PLD5: variants seen among roughly 807,000 people sequenced by gnomAD.
The protein encoded by PLD5 is inactive phospholipase D5.
Under a neutral mutation model 61.1 loss-of-function variants are expected in PLD5, and 36 were observed. The ratio of observed to expected loss-of-function variants is 0.59; its 90% confidence interval spans 0.45 to 0.78. PLD5 has a LOEUF of 0.78. Among genes scored for constraint, PLD5 ranks in the 30% least tolerant of loss-of-function variants. The pLI is 0.00. For missense variants in PLD5, 515 were observed against 644.4 expected, an observed-to-expected ratio of 0.80 and a Z score of 2.17; for synonymous variants, 243 against 242.8, an observed-to-expected ratio of 1.00 and a Z score of -0.01.
chr1:242,182,678 A>C (rs751233856), intron 5 of PLD5, among the ~76,000 whole-genome samples: 7 of 152,128 alleles, frequency 4.6e-5, no homozygotes, highest in Non-Finnish European at 8.8e-5. Context: ...AACCATCTCT[A>C]CTAAAAATAC....
Position 242,424,223 on chromosome 1 carries a change from T to C in PLD5, c.190-75981A>G, listed in dbSNP as rs1264118403. 2.0e-5 allele frequency among the ~76,000 whole-genome samples: 3 copies of C among 152,136 alleles called. No individual in the cohort carries two copies. In the East Asian group the frequency reaches 5.8e-4, roughly 29 times the overall value. On this transcript the variant is annotated intron_variant, in intron 1 of 9. Transcript: ENST00000536534. ...CAATCTGGCTCCTGCCCCACCCCAC[T>C]ATGCTCTACTGATAATGTTACTATG...
upstream of PLD5, among the ~76,000 whole-genome samples, chr1:242,527,411 C>T (rs1425364021): frequency 3.9e-5 from 6 of 152,150 alleles, no homozygotes; most frequent in Non-Finnish European, 7.3e-5. Flanking sequence ...ATTGGGATTA[C>T]AGGCGTGAGC....
chr1:242,370,466 A>T lies in PLD5; in HGVS notation c.190-22224T>A, dbSNP rs1661571852. 1.3e-5 allele frequency among the ~76,000 whole-genome samples: 2 copies of T among 151,974 alleles called. 1 individual carries two copies. The highest frequency in any genetic ancestry group is 4.2e-4 in the South Asian group (2 of 4,810). ...AGAGAGAGAGATGCAGACAGAATAG[A>T]TGTGCCATTCTAATAGTACAGAGGG... On this transcript the variant is annotated intron_variant, in intron 1 of 9. Transcript: ENST00000536534.
intron 4 of PLD5, among the ~76,000 whole-genome samples, chr1:242,225,030 T>C (rs77296969): frequency 0.016 from 2,453 of 152,302 alleles, 78 homozygotes; most frequent in East Asian, 0.056. Flanking sequence ...GCCTATAGTT[T>C]TCCTTTTGTA....
At chr1:242,441,151 C>T (rs1388723394) in intron 1 of PLD5, among the ~76,000 whole-genome samples, 3 of 152,074 alleles carry the variant, frequency 2.0e-5, no homozygotes, top group African/African-American at 7.2e-5. Flanking sequence ...ATGTAATGTG[C>T]CATGCATGGT....
At chr1:242,177,089 G>T (rs1477554941) in intron 5 of PLD5, among the ~76,000 whole-genome samples, 1 of 152,106 alleles carries the variant, frequency 6.6e-6, no homozygotes, top group African/African-American at 2.4e-5. Flanking sequence ...ATACCCAAAG[G>T]ATTATAAATC....
chr1:242,224,594 C>A (rs962628341), intron 4 of PLD5, among the ~76,000 whole-genome samples: 1 of 152,132 alleles, frequency 6.6e-6, no homozygotes, highest in African/African-American at 2.4e-5. Flanking sequence ...TATCCACATG[C>A]AAAAGAATGC....
intron 1 of PLD5, among the ~76,000 whole-genome samples, chr1:242,455,727 C>T (rs1473575): frequency 0.35 from 52,734 of 152,104 alleles, 9,573 homozygotes; most frequent in Admixed American, 0.44. Flanking sequence ...AATACAGGAG[C>T]TCACTTTATA....
At chr1:242,184,409 G>A (rs1667741170) in intron 5 of PLD5, among the ~76,000 whole-genome samples, 1 of 152,058 alleles carries the variant, frequency 6.6e-6, no homozygotes, top group Non-Finnish European at 1.5e-5. Context: ...TTTTGAGATG[G>A]AGTCTTGCTC....
intron 5 of PLD5, among the ~76,000 whole-genome samples, chr1:242,205,074 G>A (rs1045086935): frequency 3.9e-5 from 6 of 152,080 alleles, no homozygotes; most frequent in Admixed American, 1.3e-4. Context: ...AGCTGTGACC[G>A]GGATAGAGAT....
At chr1:242,261,753 C>T (rs561209774) in intron 4 of PLD5, among the ~76,000 whole-genome samples, 5 of 152,192 alleles carry the variant, frequency 3.3e-5, no homozygotes, top group Admixed American at 3.3e-4. Context: ...ATATAATTTG[C>T]CATCAGAGAA....
At chr1:242,385,075 C>T (rs1276937020) in intron 1 of PLD5, among the ~76,000 whole-genome samples, 2 of 152,184 alleles carry the variant, frequency 1.3e-5, no homozygotes, top group African/African-American at 2.4e-5. Flanking sequence ...AGTTTAAAAT[C>T]ACCAACCAAA....
At chr1:242,401,446 C>T (rs1663928415) in intron 1 of PLD5, among the ~76,000 whole-genome samples, 1 of 152,138 alleles carries the variant, frequency 6.6e-6, no homozygotes, top group Non-Finnish European at 1.5e-5. Context: ...GACTTCCCAT[C>T]ATACTTGGGA....
intron 4 of PLD5, among the ~76,000 whole-genome samples, chr1:242,255,177 G>A (rs1189262611): frequency 2.0e-5 from 3 of 151,978 alleles, no homozygotes; most frequent in South Asian, 2.1e-4. Context: ...CATGAGGACT[G>A]TCCTTCACTT....
chr1:242,229,590 G>A (rs543871863), intron 4 of PLD5, among the ~76,000 whole-genome samples: 13 of 152,108 alleles, frequency 8.5e-5, no homozygotes, highest in Non-Finnish European at 1.8e-4. Context: ...TTTATTTGTT[G>A]ATCTTCTCTA....
intron 2 of PLD5, among the ~76,000 whole-genome samples, chr1:242,326,045 A>G (rs1658756704): frequency 6.6e-6 from 1 of 152,062 alleles, no homozygotes; most frequent in African/African-American, 2.4e-5. Flanking sequence ...GTGTCACCAC[A>G]TCTGGCTAAT....
intron 1 of PLD5, among the ~76,000 whole-genome samples, chr1:242,419,104 G>GA (rs1310909007): frequency 2.0e-5 from 3 of 151,110 alleles, no homozygotes; most frequent in South Asian, 2.1e-4. Flanking sequence ...ACACAGGCAG[G>GA]AAAAAAAAAT....
intron 3 of PLD5, among the ~76,000 whole-genome samples, chr1:242,276,981 A>G (rs1674446974): frequency 6.6e-6 from 1 of 152,146 alleles, no homozygotes; most frequent in Admixed American, 6.5e-5. Context: ...CATCATGCCA[A>G]TCACGGGCCA....
chr1:242,521,924 T>C (rs1051718336), intron 1 of PLD5, among the ~76,000 whole-genome samples: 32 of 152,306 alleles, frequency 2.1e-4, no homozygotes, highest in African/African-American at 7.5e-4. Flanking sequence ...AATATTATAG[T>C]GCATTCAACA....
Sources: allele counts gnomAD v4.1 joint callset (sites outside exome capture counted in the v4.1 genomes callset), GRCh38; gene constraint gnomAD v4.1.1; transcripts MANE v1.5; gene names NCBI Gene and HGNC (gene_info 2026-07-23, HGNC 2026-07-21).